The following STK17B variants were observed in gnomAD, a reference collection of about 807,000 sequenced individuals.
STK17B encodes serine/threonine-protein kinase 17B.
A neutral mutation model predicts 42.0 loss-of-function variants in STK17B; 21 were observed. The observed-to-expected ratio is 0.50, with a 90% confidence interval of 0.35 to 0.72. The LOEUF is 0.72. Ranked by LOEUF, STK17B falls within the 30% of genes least tolerant of loss-of-function variation. The pLI is 0.00. For synonymous variants in STK17B, 143 were observed against 148.4 expected (o/e 0.96, Z 0.26); for missense variants, 349 against 446.0 (o/e 0.78, Z 1.96).
intron 3 of STK17B, among the ~76,000 whole-genome samples, chr2:196,149,293 T>G (rs937080974): frequency 6.6e-6 from 1 of 151,978 alleles, no homozygotes; most frequent in Non-Finnish European, 1.5e-5. Context: ...TCTCCCGAGT[T>G]GCTAGGACTA....
chr2:196,145,900 C>A lies in STK17B; in HGVS notation c.480+11G>T. On this transcript the variant is annotated intron_variant, in intron 4 of 7. Transcript: ENST00000263955. ...ACAGATGTTGCATTACTTTAAATCA[C>A]GTTACGTTACCTTTAAATCAAGGTG... 2 of 1,555,350 alleles carry A rather than the reference C, an allele frequency of 1.3e-6. No individual in the cohort carries two copies. Among genetic ancestry groups the A allele is most frequent in the South Asian group, 1.2e-5 (1 of 81,836 alleles).
At chr2:196,140,713 C>T (rs1411722194) in intron 6 of STK17B, among the ~76,000 whole-genome samples, 1 of 151,614 alleles carries the variant, frequency 6.6e-6, no homozygotes, top group Non-Finnish European at 1.5e-5. Context: ...TACAGGTACG[C>T]GCCACCACGT....
Position 196,145,818 on chromosome 2 carries a change from C to G in STK17B, c.480+93G>C. 2.3e-6 allele frequency: 3 copies of G among 1,278,774 alleles called. No individual in the cohort carries two copies. In the East Asian group the frequency reaches 7.7e-5, roughly 33 times the overall value. 79.2% of individuals were successfully genotyped at this position (1,278,774 alleles called of 1,614,324 possible). ...GCAGTCTAGAAGACCAGGAACCAAC[C>G]ATTGTTTCCTGTTAATACCAGTTTG... On this transcript the variant is annotated intron_variant, in intron 4 of 7. Transcript: ENST00000263955.
At chr2:196,161,921 G>A (rs1699817039) in intron 2 of STK17B, among the ~76,000 whole-genome samples, 1 of 152,108 alleles carries the variant, frequency 6.6e-6, no homozygotes, top group African/African-American at 2.4e-5. Flanking sequence ...CACCAAGAAT[G>A]AAATTACTTT....
intron 6 of STK17B, 103 bp from the exon 7 acceptor site, chr2:196,139,902 G>T: frequency 3.8e-6 from 3 of 785,446 alleles, no homozygotes; most frequent in Non-Finnish European, 5.4e-6. Context: ...AACTGGTACG[G>T]TTAAACTACA....
At chr2:196,174,988 A>G (rs1699985077), upstream of STK17B, among the ~76,000 whole-genome samples, 1 of 152,258 alleles carries the variant, frequency 6.6e-6, no homozygotes, top group South Asian at 2.1e-4. Context: ...TTTATAGAGT[A>G]TAACCTGTCC....
chr2:196,165,149 G>A (rs1575187079), intron 1 of STK17B, among the ~76,000 whole-genome samples: 1 of 152,216 alleles, frequency 6.6e-6, no homozygotes, highest in African/African-American at 2.4e-5. Context: ...CCTTTAAAAA[G>A]GTGATTAAGT....
chr2:196,170,136 C>G (rs898143460), intron 1 of STK17B, among the ~76,000 whole-genome samples: 2 of 152,112 alleles, frequency 1.3e-5, no homozygotes, highest in Non-Finnish European at 2.9e-5. Context: ...TACTTCCGAA[C>G]AGTTCACCAT....
At position 196,163,311 on chromosome 2, in the gene STK17B, T is replaced by C. The variant is rs1227596869; in HGVS notation, c.73A>G (p.Met25Val). The C allele has an allele frequency of 3.1e-6, 5 of 1,606,690 alleles. No individual in the cohort carries two copies. The highest frequency in any genetic ancestry group is 3.4e-6 in the Non-Finnish European group (4 of 1,178,212). ...LTTTPQIPIKMENFNNFYILT... is the reference protein window; with the variant it reads ...LTTTPQIPIKVENFNNFYILT... ...ATATAGAAATTATTAAAGTTTTCCA[T>C]TTTTATTGGAATTTGAGGAGTTGTA... The change falls in exon 2 of 8, where the codon ATG becomes GTG. Residue 25 changes from methionine (M) to valine (V), a missense_variant. Physicochemically the swap from Met to Val is conservative, Grantham distance 21. Around this residue, in one of 3 missense-constraint regions of STK17B, gnomAD observed 256 missense variants for 347.7 expected, o/e 0.74. Coordinates refer to ENST00000263955, the MANE Select transcript of STK17B (RefSeq NM_004226.4).
In STK17B at chr2:196,146,071, A is replaced by G. The variant is rs1699569204; in HGVS notation, c.336-16T>C. The G allele has an allele frequency of 6.4e-7, 1 of 1,566,504 alleles. No individual in the cohort carries two copies. The highest frequency in any genetic ancestry group is 1.4e-5 in the African/African-American group (1 of 72,202). On this transcript the variant is annotated splice_polypyrimidine_tract_variant and intron_variant, in intron 3 of 7. Transcript: ENST00000263955. ...ACCTGCAGCACTAAAATAAAATTCAAAGAACAGAGACTTGAAAATTCATTC... is the reference window on the plus strand; with the variant it reads ...ACCTGCAGCACTAAAATAAAATTCAGAGAACAGAGACTTGAAAATTCATTC...
At chr2:196,173,803 T>C (rs556507491), upstream of STK17B, among the ~76,000 whole-genome samples, 1 of 152,288 alleles carries the variant, frequency 6.6e-6, no homozygotes, top group East Asian at 1.9e-4. Flanking sequence ...GCGGTTGTTA[T>C]GGGCTCAGTT....
chr2:196,140,250 T>C (rs1263581705), intron 6 of STK17B, among the ~76,000 whole-genome samples: 1 of 152,244 alleles, frequency 6.6e-6, no homozygotes, highest in African/African-American at 2.4e-5. Flanking sequence ...AATGTGTTAA[T>C]GGCAAGTCTG....
At chr2:196,138,864 T>A (rs6755713) in intron 7 of STK17B, among the ~76,000 whole-genome samples, 97,548 of 151,612 alleles carry the variant, frequency 0.64, 31,611 homozygotes, top group East Asian at 0.9. Flanking sequence ...GTGAGCCACC[T>A]CGCTCAGCTG....
chr2:196,139,241 G>A (rs1199478956), intron 7 of STK17B, among the ~76,000 whole-genome samples: 1 of 152,208 alleles, frequency 6.6e-6, no homozygotes, highest in Non-Finnish European at 1.5e-5. Context: ...TGGGATTACA[G>A]GCGTGAGCCA....
At chr2:196,155,376 C>T (rs1284479323) in intron 3 of STK17B, among the ~76,000 whole-genome samples, 1 of 152,154 alleles carries the variant, frequency 6.6e-6, no homozygotes, top group African/African-American at 2.4e-5. Flanking sequence ...AAATGAACTA[C>T]TTGTCAGTTT....
intron 1 of STK17B, among the ~76,000 whole-genome samples, chr2:196,166,731 C>T (rs1699878219): frequency 6.6e-6 from 1 of 152,162 alleles, no homozygotes; most frequent in Non-Finnish European, 1.5e-5. Context: ...TAGGCTTGAT[C>T]TGGGCCTTCA....
At chr2:196,166,859 G>T (rs961720991) in intron 1 of STK17B, among the ~76,000 whole-genome samples, 1 of 152,074 alleles carries the variant, frequency 6.6e-6, no homozygotes, top group Non-Finnish European at 1.5e-5. Context: ...TATCAAATAA[G>T]AAAGTTTTTA....
intron 1 of STK17B, chr2:196,166,274 T>C (rs1229740757): frequency 6.6e-6 from 1 of 152,214 alleles, no homozygotes; most frequent in African/African-American, 2.4e-5. Flanking sequence ...AACATCTGGT[T>C]GCCCTTCATA....
chr2:196,136,875 T>C lies in STK17B; in HGVS notation c.*572A>G, dbSNP rs1699413119. 6.6e-6 allele frequency: 1 copy of C among 152,346 alleles called. No individual in the cohort carries two copies. Among genetic ancestry groups the C allele is most frequent in the Non-Finnish European group, 1.5e-5 (1 of 68,132 alleles). The allele number at this position is 152,346 out of a possible 1,614,324, so 9.4% of individuals were successfully genotyped here. A position where few individuals can be genotyped will look rare whatever the true frequency, so the allele number is the denominator to read the frequency against. On this transcript the variant is annotated 3_prime_UTR_variant, in exon 8 of 8. Coordinates refer to ENST00000263955, the MANE Select transcript of STK17B (RefSeq NM_004226.4). ...CTCTTTGCTCTAGTTAAAGGATCTC[T>C]CTCATATAACAGACCACAGAGAATG...
Sources: gnomAD v4.1 joint callset for allele counts (sites outside exome capture counted in the v4.1 genomes callset) on GRCh38, gnomAD v4.1.1 for gene constraint, gnomAD v4.1.1 regional missense constraint, MANE v1.5 for transcripts, NCBI Gene and HGNC (gene_info 2026-07-23, HGNC 2026-07-21) for gene names.